OTOA: variants seen among roughly 807,000 people sequenced by gnomAD.
OTOA encodes the protein cancer/testis antigen 108.
A neutral mutation model predicts 110.8 loss-of-function variants in OTOA; 70 were observed. The observed-to-expected ratio is 0.63, with a 90% CI of 0.52 to 0.77. The LOEUF is 0.77. Ranked by LOEUF, OTOA falls within the 30% of genes least tolerant of loss-of-function variation. The probability of loss-of-function intolerance (pLI) is 0.00; values close to 1 mark genes in which losing one functional copy is unlikely to be tolerated. For missense variants in OTOA, 917 were observed against 1,075.8 expected (o/e 0.85, Z 2.06); for synonymous variants, 373 against 431.5 (o/e 0.86, Z 1.68).
chr16:21,726,595 G>C lies in OTOA; in HGVS notation c.1953G>C (p.Leu651Phe). The C allele has an allele frequency of 6.2e-7, 1 of 1,614,016 alleles. No individual in the cohort carries two copies. The highest frequency in any genetic ancestry group is 8.5e-7 in the Non-Finnish European group (1 of 1,179,992). The change falls in exon 19 of 29, where the codon TTG becomes TTC. Residue 651 changes from leucine to phenylalanine, a missense_variant. By Grantham distance (22) the Leu-to-Phe change is conservative. Transcript: ENST00000646100. Reference sequence around the variant, plus strand: ...TGATCAGCCTGGGGAAGAGCTGGTTGGACTCCTTGGTTTTAGATTCCCACA... The same window carrying C: ...TGATCAGCCTGGGGAAGAGCTGGTTCGACTCCTTGGTTTTAGATTCCCACA... ...PFLISLGKSW[L>F]DSLVLDSHKK...
Position 21,714,333 on chromosome 16 carries a change from CT to C in OTOA, c.1321-649del, listed in dbSNP as rs1567384260. On this transcript the variant is annotated intron_variant, in intron 13 of 28. Coordinates refer to ENST00000646100, the MANE Select transcript of OTOA (RefSeq NM_144672.4). ...CCTTCCTTCCTTCCTTCCTTCCTTC[CT>C]TTCTTTCTTTCTTTCTTTCCTTCTC... is the stretch of plus-strand genomic sequence containing the variant. Among the ~76,000 whole-genome samples the C allele has an allele frequency of 6.3e-3, 748 of 118,930 alleles. 11 individuals carry two copies. Among genetic ancestry groups the C allele is most frequent in the African/African-American group, 0.02 (697 of 34,476 alleles). 78.0% of individuals were successfully genotyped at this position (118,930 alleles called of 152,430 possible).
intron 20 of OTOA, among the ~76,000 whole-genome samples, chr16:21,728,753 T>A (rs1390625220): frequency 6.6e-6 from 1 of 152,044 alleles, no homozygotes; most frequent in Non-Finnish European, 1.5e-5. Flanking sequence ...CACGCCCAGC[T>A]ATTTTTTGCA....
chr16:21,736,768 T>C, intron 22 of OTOA, among the ~76,000 whole-genome samples: 1 of 152,174 alleles, frequency 6.6e-6, no homozygotes, highest in African/African-American at 2.4e-5. Context: ...GAGGTGAAGG[T>C]TGCAGTGAGC....
chr16:21,736,626 T>G (rs1269954674), intron 22 of OTOA, among the ~76,000 whole-genome samples: 3 of 152,026 alleles, frequency 2.0e-5, no homozygotes, highest in African/African-American at 7.2e-5. Flanking sequence ...AGGTCAGGAG[T>G]TCGAGACCAG....
rs1897878371 is a variant in OTOA, at chr16:21,693,678, T to G, written c.739+1991T>G. Among the ~76,000 whole-genome samples the G allele has an allele frequency of 2.6e-5, 4 of 151,780 alleles. 1 individual carries two copies. Among genetic ancestry groups the G allele is most frequent in the Admixed American group, 2.6e-4 (4 of 15,242 alleles). ...CTCACTGCAACCTCTGCCTCCAGAGTTCAAGTGATTCTCTCAGCTCCTGAA... is the reference window on the plus strand; with the variant it reads ...CTCACTGCAACCTCTGCCTCCAGAGGTCAAGTGATTCTCTCAGCTCCTGAA... On this transcript the variant is annotated intron_variant, in intron 9 of 28. Coordinates refer to ENST00000646100, the MANE Select transcript of OTOA (RefSeq NM_144672.4).
chr16:21,730,728 C>G, intron 20 of OTOA, 109 bp from the exon 21 acceptor site: 1 of 845,074 alleles, frequency 1.2e-6, no homozygotes, highest in Non-Finnish European at 2.0e-6. Flanking sequence ...ATGTGATTGA[C>G]ATGAGTATAA....
In OTOA at chr16:21,726,640, G is replaced by A. The variant is rs538762021; in HGVS notation, c.1998G>A (p.Arg666=). ...CCCACAAAAAGACTTCAGTCCTCAG[G>A]AAAGTGCAGCAGTGCCTGGTAAGAA... The part of the protein sequence containing the change: ...LDSHKKTSVL[R]KVQQCLDDSI... Residue 666 remains arginine, a synonymous_variant, in exon 19 of 29, where the codon AGG becomes AGA. Transcript: ENST00000646100. 88 of 1,614,076 alleles carry A rather than the reference G, an allele frequency of 5.5e-5. 2 individuals are homozygous for A. In the Middle Eastern group the frequency reaches 9.9e-4, roughly 18 times the overall value.
At position 21,697,755 on chromosome 16, in the gene OTOA, C is replaced by A; in HGVS notation, c.740-20C>A. 1 of 1,607,978 alleles carries A rather than the reference C, an allele frequency of 6.2e-7. No homozygotes were observed. On this transcript the variant is annotated intron_variant, in intron 9 of 28. Coordinates refer to ENST00000646100, the MANE Select transcript of OTOA (RefSeq NM_144672.4). ...TTATTTATGTATGTACTCATTTATT[C>A]ATTTCTTTATTTTTTGTAGATGACT...
intron 12 of OTOA, among the ~76,000 whole-genome samples, chr16:21,707,655 T>TTCTTTCTTTCTTTCTTTC (rs1391942283): frequency 8.0e-5 from 8 of 100,430 alleles, no homozygotes; most frequent in African/African-American, 2.0e-4. Context: ...CTTTCTTTCT[T>TTCTTTCTTTCTTTCTTTC]TCTCTTTCTT....
chr16:21,694,297 G>T (rs1056456771), intron 9 of OTOA, among the ~76,000 whole-genome samples: 1 of 151,918 alleles, frequency 6.6e-6, no homozygotes, highest in African/African-American at 2.4e-5. Context: ...TTAAAAAATA[G>T]CCGGTGTCCT....
In OTOA at chr16:21,723,698, C is replaced by T. The variant is rs147917486; in HGVS notation, c.1880+720C>T. On this transcript the variant is annotated intron_variant, in intron 18 of 28. Coordinates refer to ENST00000646100, the MANE Select transcript of OTOA (RefSeq NM_144672.4). ...GGTAACTGGAAAGTTCAGAGAGGGA[C>T]TTCAGGCATGGCTCGATCTAGGGGT... Among the ~76,000 whole-genome samples the T allele has an allele frequency of 2.3e-3, 347 of 152,196 alleles. 1 individual carries two copies. The highest frequency in any genetic ancestry group is 3.1e-3 in the South Asian group (15 of 4,828).
intron 9 of OTOA, among the ~76,000 whole-genome samples, chr16:21,692,957 A>G (rs909879676): frequency 6.0e-5 from 9 of 150,592 alleles, no homozygotes; most frequent in Non-Finnish European, 1.0e-4. Flanking sequence ...AAAGAAAGAA[A>G]AGAAAAGAAA....
chr16:21,760,594 G>C lies in OTOA; in HGVS notation c.*54G>C, dbSNP rs1007971987. On this transcript the variant is annotated 3_prime_UTR_variant, in exon 29 of 29. Transcript: ENST00000646100. ...CCCAAGCAGCTGGCCAACATGTGTA[G>C]AGACAGGATGCTCCAGATGGTGGGA... 1.5e-6 allele frequency: 2 copies of C among 1,375,350 alleles called. No individual in the cohort carries two copies. 85.2% of individuals were successfully genotyped at this position (1,375,350 alleles called of 1,614,324 possible). A position where few individuals can be genotyped will look rare whatever the true frequency, so the allele number is the denominator to read the frequency against.
At chr16:21,701,334 TG>T (rs1898048959) in intron 11 of OTOA, among the ~76,000 whole-genome samples, 1 of 152,222 alleles carries the variant, frequency 6.6e-6, no homozygotes, top group Non-Finnish European at 1.5e-5. Context: ...TACTCAGGAC[TG>T]GGTCCTGTTC....
chr16:21,759,910 T>C (rs1178652871), intron 28 of OTOA, among the ~76,000 whole-genome samples: 1 of 151,940 alleles, frequency 6.6e-6, no homozygotes, highest in Non-Finnish European at 1.5e-5. Flanking sequence ...AAATTTTTTT[T>C]TTTAATGGAT....
chr16:21,684,740 TA>T (rs1426088051), intron 6 of OTOA, among the ~76,000 whole-genome samples: 4 of 63,200 alleles, frequency 6.3e-5, no homozygotes, highest in Non-Finnish European at 1.7e-4. Flanking sequence ...TTATTATTAT[TA>T]TTATTATTAT....
chr16:21,685,118 G>GTTGTGGTC, intron 6 of OTOA, 112 bp from the exon 7 acceptor site: 1 of 1,446,030 alleles, frequency 6.9e-7, no homozygotes, highest in Non-Finnish European at 9.6e-7. Context: ...CTGGCCACTA[G>GTTGTGGTC]TTGTGGTCTC....
intron 13 of OTOA, among the ~76,000 whole-genome samples, chr16:21,710,378 GA>G (rs1335926702): frequency 6.6e-6 from 1 of 152,042 alleles, no homozygotes; most frequent in Non-Finnish European, 1.5e-5. Flanking sequence ...GTCTTACAAG[GA>G]AACTAATCCC....
At chr16:21,671,299 G>A (rs1185121006) in intron 1 of OTOA, among the ~76,000 whole-genome samples, 1 of 151,800 alleles carries the variant, frequency 6.6e-6, no homozygotes, top group Non-Finnish European at 1.5e-5. Context: ...TAAGAAACTC[G>A]TCCAAGGCCG....
Sources: allele counts gnomAD v4.1 joint callset (sites outside exome capture counted in the v4.1 genomes callset), GRCh38; gene constraint gnomAD v4.1.1; transcripts MANE v1.5; gene names NCBI Gene and HGNC (gene_info 2026-07-23, HGNC 2026-07-21).